Variants in RAB3C observed in about 807,000 individuals in gnomAD.
The protein encoded by RAB3C is ras-related protein Rab-3C.
RAB3C carries 17 observed loss-of-function variants against 26.4 expected under a neutral mutation model. The ratio of observed to expected loss-of-function variants is 0.64; its 90% CI spans 0.44 to 0.97. The LOEUF (loss-of-function observed/expected upper bound fraction) is 0.97. Among genes scored for constraint, RAB3C ranks in the 50% least tolerant of loss-of-function variants. RAB3C has a pLI of 0.00. For missense variants in RAB3C, 242 were observed against 281.9 expected (o/e 0.86, Z 1.01); for synonymous variants, 91 against 95.9 (o/e 0.95, Z 0.30).
intron 3 of RAB3C, among the ~76,000 whole-genome samples, chr5:58,732,161 T>TA (rs1741038892): frequency 6.6e-6 from 1 of 151,428 alleles, no homozygotes; most frequent in African/African-American, 2.4e-5. Context: ...ACAGGTTAGT[T>TA]ACATATGTAT....
At chr5:58,782,099 C>A (rs549940116) in intron 3 of RAB3C, among the ~76,000 whole-genome samples, 223 of 152,072 alleles carry the variant, frequency 1.5e-3, no homozygotes, top group African/African-American at 5.3e-3. Context: ...CCTCTTTTAC[C>A]CCTTATCCCC....
At chr5:58,763,540 A>C (rs1741838732) in intron 3 of RAB3C, among the ~76,000 whole-genome samples, 1 of 152,130 alleles carries the variant, frequency 6.6e-6, no homozygotes, top group African/African-American at 2.4e-5. Flanking sequence ...CTTCTGAGGC[A>C]GTCTCCTCAC....
chr5:58,788,681 G>A (rs576458221), intron 3 of RAB3C, among the ~76,000 whole-genome samples: 1 of 152,126 alleles, frequency 6.6e-6, no homozygotes, highest in Non-Finnish European at 1.5e-5. Context: ...GGGAGAGAAA[G>A]GAGGGACATT....
rs547759293 is a variant in RAB3C at position 58,775,334 on chromosome 5, A to G, written c.371+49214A>G. ...TCAGTATCTGAGGCTCCTTTATAAA[A>G]CCTCAGGGCCAAAGCAAGCCCAACT... On this transcript the variant is annotated intron_variant, in intron 3 of 4. Coordinates refer to ENST00000282878, the MANE Select transcript of RAB3C (RefSeq NM_138453.4). Among the ~76,000 whole-genome samples, 6 of 152,134 alleles carry G rather than the reference A, an allele frequency of 3.9e-5. No individual in the cohort carries two copies. In the East Asian group the frequency reaches 9.7e-4, roughly 25 times the overall value.
intron 3 of RAB3C, among the ~76,000 whole-genome samples, chr5:58,810,119 C>T (rs887695311): frequency 1.3e-5 from 2 of 152,046 alleles, no homozygotes; most frequent in Admixed American, 1.3e-4. Context: ...TGCTGAAAGC[C>T]GGGGAGAAAC....
chr5:58,794,619 C>T (rs942771577), intron 3 of RAB3C: 80 of 152,190 alleles, frequency 5.3e-4, no homozygotes, highest in African/African-American at 1.8e-3. Context: ...GTAAGAATCA[C>T]TGTTTTTAAT....
At chr5:58,848,053 C>G (rs1032669170) in intron 4 of RAB3C, among the ~76,000 whole-genome samples, 1 of 152,122 alleles carries the variant, frequency 6.6e-6, no homozygotes, top group Non-Finnish European at 1.5e-5. Flanking sequence ...GGCAGGGTTT[C>G]GCCATGTTGG....
At chr5:58,798,505 C>A (rs1381048728) in intron 3 of RAB3C, among the ~76,000 whole-genome samples, 1 of 152,096 alleles carries the variant, frequency 6.6e-6, no homozygotes, top group Non-Finnish European at 1.5e-5. Context: ...CTCTGAAATC[C>A]AAAAGAGGAC....
rs910287825 is a variant in RAB3C at position 58,856,984 on chromosome 5, T to G, written c.*5633T>G. 2 of 152,184 alleles carry G rather than the reference T, an allele frequency of 1.3e-5. No individual in the cohort carries two copies. Among genetic ancestry groups the G allele is most frequent in the Non-Finnish European group, 2.9e-5 (2 of 68,028 alleles). The allele number at this position is 152,184 out of a possible 1,614,324, so 9.4% of individuals were successfully genotyped here. On this transcript the variant is annotated 3_prime_UTR_variant, in exon 5 of 5. Transcript: ENST00000282878. ...TTAGACTGTCCAAATGTACAACAAT[T>G]TAATGGTGTTTGTAGAACTGATATG...
chr5:58,750,641 A>G (rs1270060635), intron 3 of RAB3C, among the ~76,000 whole-genome samples: 2 of 152,238 alleles, frequency 1.3e-5, no homozygotes, highest in African/African-American at 4.8e-5. Flanking sequence ...TATTGAGTAT[A>G]AGATTTCACT....
intron 2 of RAB3C, among the ~76,000 whole-genome samples, chr5:58,666,333 A>T (rs944045129): frequency 4.6e-5 from 7 of 152,162 alleles, no homozygotes; most frequent in African/African-American, 1.7e-4. Context: ...GTTGACAGAG[A>T]AGGTGAACAA....
At chr5:58,807,369 A>G (rs1742966279) in intron 3 of RAB3C, among the ~76,000 whole-genome samples, 1 of 152,246 alleles carries the variant, frequency 6.6e-6, no homozygotes, top group African/African-American at 2.4e-5. Flanking sequence ...AAATGGATAT[A>G]TGTTGTGAGC....
intron 2 of RAB3C, among the ~76,000 whole-genome samples, chr5:58,633,107 G>A (rs158976): frequency 2.4e-4 from 37 of 152,320 alleles, no homozygotes; most frequent in Admixed American, 1.3e-3. Flanking sequence ...TTAAAGGAAG[G>A]CATATGGAAA....
chr5:58,746,932 G>C (rs1312096001), intron 3 of RAB3C, among the ~76,000 whole-genome samples: 3 of 152,156 alleles, frequency 2.0e-5, no homozygotes, highest in African/African-American at 7.2e-5. Context: ...TGTCCATCAG[G>C]AGACACATCC....
chr5:58,773,045 T>C (rs2111990464), intron 3 of RAB3C, among the ~76,000 whole-genome samples: 1 of 152,246 alleles, frequency 6.6e-6, no homozygotes, highest in East Asian at 1.9e-4. Context: ...AGGAGAGCAA[T>C]AGACACACAC....
chr5:58,670,930 G>T (rs939295498), intron 2 of RAB3C, among the ~76,000 whole-genome samples: 2 of 152,106 alleles, frequency 1.3e-5, no homozygotes, highest in Non-Finnish European at 2.9e-5. Flanking sequence ...TCAAACTCAT[G>T]TCAAACCCCT....
chr5:58,782,364 T>A (rs994496346), intron 3 of RAB3C, among the ~76,000 whole-genome samples: 1 of 152,140 alleles, frequency 6.6e-6, no homozygotes, highest in African/African-American at 2.4e-5. Flanking sequence ...CTACTTCCTC[T>A]AAGAGCCTTA....
At chr5:58,691,738 A>G (rs1052059539) in intron 2 of RAB3C, among the ~76,000 whole-genome samples, 8 of 152,160 alleles carry the variant, frequency 5.3e-5, no homozygotes, top group Admixed American at 2.6e-4. Context: ...TGATCTCAAA[A>G]TGTATATTTT....
In RAB3C at chr5:58,819,138, G is replaced by A. The variant is rs1000079552; in HGVS notation, c.372-5900G>A. On this transcript the variant is annotated intron_variant, in intron 3 of 4. Coordinates refer to ENST00000282878, the MANE Select transcript of RAB3C (RefSeq NM_138453.4). Reference sequence around the variant, plus strand: ...ACTAATAATGTGTTCTATGTGTAACGAGATGTTGCAACTTAAAAAGTACAG... The same window carrying A: ...ACTAATAATGTGTTCTATGTGTAACAAGATGTTGCAACTTAAAAAGTACAG... 2.0e-5 allele frequency among the ~76,000 whole-genome samples: 3 copies of A among 152,172 alleles called. No individual in the cohort carries two copies. In the East Asian group the frequency reaches 5.8e-4, roughly 29 times the overall value.
Sources: gnomAD v4.1 joint callset for allele counts (sites outside exome capture counted in the v4.1 genomes callset) on GRCh38, gnomAD v4.1.1 for gene constraint, MANE v1.5 for transcripts, NCBI Gene and HGNC (gene_info 2026-07-23, HGNC 2026-07-21) for gene names.